Variants in ROR2 observed in about 807,000 individuals in gnomAD.
ROR2 encodes the protein ROR family WNT receptor 2, also known as tyrosine-protein kinase transmembrane receptor ROR2.
In ROR2, 33 loss-of-function variants were observed where a neutral mutation model predicts 74.9. The ratio of observed to expected loss-of-function variants is 0.44; its 90% CI spans 0.33 to 0.59. The LOEUF (loss-of-function observed/expected upper bound fraction) is 0.59, where lower values mean the gene tolerates loss of function less well. ROR2 is among the 20% of genes least tolerant of loss of function. The pLI is 0.02. For missense variants in ROR2, 1,216 were observed against 1,313.8 expected (o/e 0.93, Z 1.15); for synonymous variants, 586 against 558.7 (o/e 1.05, Z -0.69).
Position 91,737,371 on chromosome 9 carries a change from G to A in ROR2, c.622+20C>T. On this transcript the variant is annotated intron_variant, in intron 5 of 8. Transcript: ENST00000375708. ...TGTGTGCATGCTTATCATCCTGGGAGAAAGGTCTGCAGCTCCTACCTGTGA... is the reference window on the plus strand; with the variant it reads ...TGTGTGCATGCTTATCATCCTGGGAAAAAGGTCTGCAGCTCCTACCTGTGA... The A allele has an allele frequency of 6.2e-7, 1 of 1,614,060 alleles. No individual in the cohort carries two copies. The highest frequency in any genetic ancestry group is 8.5e-7 in the Non-Finnish European group (1 of 1,180,006).
chr9:91,802,105 G>A (rs1204152990), intron 1 of ROR2, among the ~76,000 whole-genome samples: 2 of 129,748 alleles, frequency 1.5e-5, no homozygotes, highest in Non-Finnish European at 3.1e-5. Context: ...ATGGAGTCTC[G>A]CTCTGTTGCC....
Position 91,724,881 on chromosome 9 carries a change from C to A in ROR2, c.1613G>T (p.Cys538Phe), listed in dbSNP as rs1836962005. 1 of 1,603,420 alleles carries A rather than the reference C, an allele frequency of 6.2e-7. No homozygotes were observed. The highest frequency in any genetic ancestry group is 8.5e-7 in the Non-Finnish European group (1 of 1,172,860). The change falls in exon 9 of 9, where the codon TGC (cysteine) becomes TTC (phenylalanine). Residue 538 changes from cysteine (C) to phenylalanine (F), a missense_variant. By Grantham distance (205) the Cys-to-Phe change is radical. Coordinates refer to ENST00000375708, the MANE Select transcript of ROR2 (RefSeq NM_004560.4). ...GTCCTTGGTCACCACGCCCAGCAGG[C>A]AGACGACGTTGGGGTGTTGCAGCCG... ...RARLQHPNVV[C>F]LLGVVTKDQP...
intron 1 of ROR2, among the ~76,000 whole-genome samples, chr9:91,786,440 T>C (rs1186084754): frequency 6.6e-6 from 1 of 152,164 alleles, no homozygotes; most frequent in Non-Finnish European, 1.5e-5. Flanking sequence ...TAGGATGAAC[T>C]TGCTCTCTGC....
chr9:91,835,259 G>C (rs1258863717), intron 1 of ROR2, among the ~76,000 whole-genome samples: 1 of 152,188 alleles, frequency 6.6e-6, no homozygotes, highest in African/African-American at 2.4e-5. Flanking sequence ...TGTGCCTCAT[G>C]AAACAAACAT....
intron 1 of ROR2, among the ~76,000 whole-genome samples, chr9:91,820,447 G>A (rs1828102271): frequency 6.6e-6 from 1 of 152,150 alleles, no homozygotes; most frequent in Admixed American, 6.5e-5. Flanking sequence ...GAGCCAGGCA[G>A]TCACCTCCCC....
At chr9:91,792,377 A>G (rs1045688379) in intron 1 of ROR2, among the ~76,000 whole-genome samples, 41 of 90,960 alleles carry the variant, frequency 4.5e-4, no homozygotes, top group Non-Finnish European at 6.3e-4. Context: ...GTGCAATCTC[A>G]GCTCACTGCA....
chr9:91,726,411 A>T, intron 8 of ROR2, 130 bp downstream of exon 8: 1 of 933,090 alleles, frequency 1.1e-6, no homozygotes, highest in Non-Finnish European at 1.7e-6. Flanking sequence ...AAAATGGCAA[A>T]ATGAAGCGGA....
intron 1 of ROR2, among the ~76,000 whole-genome samples, chr9:91,800,942 C>G (rs1218739953): frequency 6.6e-6 from 1 of 152,158 alleles, no homozygotes; most frequent in Non-Finnish European, 1.5e-5. Context: ...GCCTGGAACA[C>G]TCTCCTCTTG....
At chr9:91,780,338 C>T (rs372428517) in intron 1 of ROR2, among the ~76,000 whole-genome samples, 34 of 150,786 alleles carry the variant, frequency 2.3e-4, no homozygotes, top group African/African-American at 8.3e-4. Context: ...GATCACGCCA[C>T]ACTACTCCAG....
At chr9:91,824,494 G>T (rs1828225290) in intron 1 of ROR2, among the ~76,000 whole-genome samples, 1 of 152,220 alleles carries the variant, frequency 6.6e-6, no homozygotes, top group South Asian at 2.1e-4. Context: ...CATTCAACAG[G>T]TCTACTTCAT....
At chr9:91,908,104 T>G (rs1403389159) in intron 1 of ROR2, among the ~76,000 whole-genome samples, 2 of 152,148 alleles carry the variant, frequency 1.3e-5, no homozygotes, top group East Asian at 1.9e-4. Context: ...CCAAACTGAG[T>G]CTGGAGGCAC....
At chr9:91,907,123 CGT>C (rs1491424596) in intron 1 of ROR2, among the ~76,000 whole-genome samples, 1 of 151,954 alleles carries the variant, frequency 6.6e-6, no homozygotes, top group Admixed American at 6.6e-5. Context: ...CTCACAGCAG[CGT>C]ATGAAATCCG....
At chr9:91,782,858 T>G (rs567684010) in intron 1 of ROR2, among the ~76,000 whole-genome samples, 1 of 152,356 alleles carries the variant, frequency 6.6e-6, no homozygotes, top group South Asian at 2.1e-4. Context: ...GGTAAATGTC[T>G]GCTATGATCA....
chr9:91,832,367 CAAAAAAA>C (rs10677451), intron 1 of ROR2, among the ~76,000 whole-genome samples: 141 of 38,344 alleles, frequency 3.7e-3, no homozygotes, highest in African/African-American at 4.4e-3. Context: ...GTCACAATGG[CAAAAAAA>C]AAAAAAAAAA....
At chr9:91,918,558 TAA>T (rs1018430980) in intron 1 of ROR2, among the ~76,000 whole-genome samples, 2 of 152,198 alleles carry the variant, frequency 1.3e-5, no homozygotes, top group African/African-American at 4.8e-5. Context: ...GAAACGGGCT[TAA>T]AGAGAGGCAG....
intron 1 of ROR2, among the ~76,000 whole-genome samples, chr9:91,918,252 G>GA (rs67651694): frequency 2.9e-5 from 2 of 68,064 alleles, no homozygotes; most frequent in Non-Finnish European, 4.4e-5. Context: ...TGGGCGACAG[G>GA]AGACTCGTCT....
chr9:91,845,184 C>G (rs1266130767), intron 1 of ROR2, among the ~76,000 whole-genome samples: 1 of 152,140 alleles, frequency 6.6e-6, no homozygotes, highest in Non-Finnish European at 1.5e-5. Context: ...CCTCTGCACG[C>G]ACCCCTCCCC....
chr9:91,814,283 C>A (rs961306846), intron 1 of ROR2, among the ~76,000 whole-genome samples: 4 of 152,206 alleles, frequency 2.6e-5, no homozygotes, highest in Non-Finnish European at 5.9e-5. Context: ...TCGTGGAAGG[C>A]ATCCCTCTGC....
At chr9:91,866,178 GGC>G (rs1170526330) in intron 1 of ROR2, among the ~76,000 whole-genome samples, 7 of 151,686 alleles carry the variant, frequency 4.6e-5, no homozygotes, top group South Asian at 2.1e-4. Flanking sequence ...GGAGTGCAGT[GGC>G]GCAATCTCAG....
Sources: allele counts gnomAD v4.1 joint callset (sites outside exome capture counted in the v4.1 genomes callset), GRCh38; gene constraint gnomAD v4.1.1; transcripts MANE v1.5; gene names NCBI Gene and HGNC (gene_info 2026-07-23, HGNC 2026-07-21).